CCDC180: variants seen among roughly 807,000 people sequenced by gnomAD.
The protein encoded by CCDC180 is coiled-coil domain-containing protein 180.
A neutral mutation model predicts 209.2 loss-of-function variants in CCDC180; 154 were observed. The observed-to-expected ratio is 0.74, with a 90% CI of 0.65 to 0.84. The LOEUF is 0.84. CCDC180 is among the 40% of genes least tolerant of loss of function. CCDC180 has a pLI of 0.00. For missense variants in CCDC180, 1,874 were observed against 1,997.3 expected, an observed-to-expected ratio of 0.94 and a Z score of 1.18; for synonymous variants, 778 against 749.1, an observed-to-expected ratio of 1.04 and a Z score of -0.63.
At chr9:97,311,784 C>T (rs758823898) in intron 3 of CCDC180, among the ~76,000 whole-genome samples, 3 of 152,162 alleles carry the variant, frequency 2.0e-5, no homozygotes, top group Non-Finnish European at 4.4e-5. Flanking sequence ...CTGGGCTGCT[C>T]GTACCCCTTC....
At chr9:97,354,425 C>CT (rs1826508227) in intron 22 of CCDC180, 144 bp from the exon 23 acceptor site, 1 of 797,230 alleles carries the variant, frequency 1.3e-6, no homozygotes, top group African/African-American at 1.7e-5. Flanking sequence ...TACTCCTGTC[C>CT]TTAAGCTATC....
chr9:97,357,530 TG>T, intron 24 of CCDC180, 96 bp from the exon 25 acceptor site: 1 of 769,228 alleles, frequency 1.3e-6, no homozygotes, highest in Non-Finnish European at 2.2e-6. Flanking sequence ...TTTTTTTCAG[TG>T]CTTAATCAGT....
At chr9:97,315,499 T>C (rs893786655) in intron 8 of CCDC180, among the ~76,000 whole-genome samples, 13 of 152,182 alleles carry the variant, frequency 8.5e-5, no homozygotes, top group African/African-American at 2.9e-4. Flanking sequence ...CCACAGCTGC[T>C]TTCCTTGGGG....
chr9:97,365,505 T>A, intron 29 of CCDC180, 168 bp from the exon 30 acceptor site: 1 of 630,992 alleles, frequency 1.6e-6, no homozygotes, highest in East Asian at 2.7e-5. Flanking sequence ...AGTTAGCTGC[T>A]GTTATGGAGT....
Position 97,330,177 on chromosome 9 carries a change from C to G in CCDC180, c.1812C>G (p.Phe604Leu). 1.2e-6 allele frequency: 2 copies of G among 1,610,300 alleles called. No homozygotes were observed. Among genetic ancestry groups the G allele is most frequent in the Non-Finnish European group, 1.7e-6 (2 of 1,177,884 alleles). Residue 604 changes from phenylalanine (F) to leucine (L), a missense_variant, in exon 17 of 37, where the codon TTC becomes TTG. Coordinates refer to ENST00000529487, the MANE Select transcript of CCDC180 (RefSeq NM_020893.6). ...AGAACTTGGCTGGAGAAGTCATTTT[C>G]AAATTCAGGCAACCAGGTAACACTT... The part of the protein sequence containing the change: ...FEQNLAGEVI[F>L]KFRQPEAHEK...
In CCDC180 at chr9:97,376,864, C is replaced by G; in HGVS notation, c.4944C>G (p.Ser1648=). The change falls in exon 37 of 37, where the codon TCC becomes TCG. Residue 1648 remains serine, a synonymous_variant. Transcript: ENST00000529487. The part of the protein sequence containing the change: ...AQRWKDSWKQ[S]LHTIQGLYV ...GCTGGAAGGACAGCTGGAAGCAGTCCCTGCACACTATCCAAGGCCTGTATG... is the reference window on the plus strand; with the variant it reads ...GCTGGAAGGACAGCTGGAAGCAGTCGCTGCACACTATCCAAGGCCTGTATG... 6.2e-7 allele frequency: 1 copy of G among 1,612,756 alleles called. No individual in the cohort carries two copies. Among genetic ancestry groups the G allele is most frequent in the Non-Finnish European group, 8.5e-7 (1 of 1,179,910 alleles).
chr9:97,357,719 G>GA lies in CCDC180; in HGVS notation c.3361dup (p.Thr1121AsnfsTer27). 1 of 1,604,022 alleles carries GA rather than the reference G, an allele frequency of 6.2e-7. No individual in the cohort carries two copies. Among genetic ancestry groups the GA allele is most frequent in the Non-Finnish European group, 8.5e-7 (1 of 1,173,108 alleles). ...AAACTTGTCAAGAGTCCAGGGGAGA[G>GA]AAAACCGTAAGTGTTCAATAGATTC... is the stretch of plus-strand genomic sequence containing the variant. On this transcript the variant is annotated frameshift_variant, in exon 25 of 37. Coordinates refer to ENST00000529487, the MANE Select transcript of CCDC180 (RefSeq NM_020893.6). LOFTEE classifies it high-confidence loss of function.
rs571565199 is a variant in CCDC180, at chr9:97,312,089, C to T, written c.261-24C>T. The stretch of plus-strand genomic sequence containing the variant: ...TGGATGGCATCAGGAGCTGGGACTT[C>T]ACTCTTCTCTGCTTGTGTCTCAGGG... On this transcript the variant is annotated intron_variant, in intron 3 of 36. Transcript: ENST00000529487. The T allele has an allele frequency of 1.4e-4, 224 of 1,608,670 alleles. 4 individuals carry two copies. In the South Asian group the frequency reaches 2.4e-3, roughly 17 times the overall value.
rs1826357264 is a variant in CCDC180 at position 97,349,252 on chromosome 9, A to C, written c.2816A>C (p.Asp939Ala). 6.5e-7 allele frequency: 1 copy of C among 1,536,716 alleles called. No homozygotes were observed. ...RSKNFRLKIY[D>A]MEHIFLNATR... is the part of the protein sequence containing the mutation. ...AAAAACTTCCGCCTTAAGATCTATG[A>C]CATGGAGCACATCTTCTTGAATGCC... Residue 939 changes from aspartate (D) to alanine (A), a missense_variant, in exon 21 of 37, where the codon GAC (aspartate) becomes GCC (alanine). Physicochemically the swap from Asp to Ala is moderately radical, Grantham distance 126. Coordinates refer to ENST00000529487, the MANE Select transcript of CCDC180 (RefSeq NM_020893.6).
chr9:97,314,969 G>C lies in CCDC180; in HGVS notation c.795+23G>C, dbSNP rs749871595. The C allele has an allele frequency of 5.0e-6, 8 of 1,591,758 alleles. No individual in the cohort carries two copies. The Admixed American group carries it at 1.0e-4, about 20-fold the overall frequency. On this transcript the variant is annotated intron_variant, in intron 8 of 36. Coordinates refer to ENST00000529487, the MANE Select transcript of CCDC180 (RefSeq NM_020893.6). The stretch of plus-strand genomic sequence containing the variant: ...ATGGTGAGTGGTTTTCCTGTGCAGG[G>C]ATCAGCCCATGGGAGAAGGGGCAGG...
intron 25 of CCDC180, among the ~76,000 whole-genome samples, chr9:97,358,890 G>A (rs1365390163): frequency 6.6e-6 from 1 of 152,204 alleles, no homozygotes; most frequent in East Asian, 1.9e-4. Context: ...TTAGCACTGA[G>A]AGGATGTTTA....
rs773926113 is a variant in CCDC180, at chr9:97,365,757, T to G, written c.4047+18T>G. The G allele has an allele frequency of 7.4e-6, 12 of 1,612,330 alleles. No individual in the cohort carries two copies. The highest frequency in any genetic ancestry group is 1.0e-5 in the Non-Finnish European group (12 of 1,178,730). On this transcript the variant is annotated intron_variant, in intron 30 of 36. Coordinates refer to ENST00000529487, the MANE Select transcript of CCDC180 (RefSeq NM_020893.6). Reference sequence around the variant, plus strand: ...TCGCAGAGGTGAGGACCACCACCCATGGCCTGTGCCTGCCCTGGAAACCAC... The same window carrying G: ...TCGCAGAGGTGAGGACCACCACCCAGGGCCTGTGCCTGCCCTGGAAACCAC...
rs775858382 is a variant in CCDC180, at chr9:97,364,178, G to T, written c.3980+50G>T. ...GACTGCATTTAACCTGTTTTGGGTT[G>T]CAGGGGCAGCAAATGTGACTCAGCT... On this transcript the variant is annotated intron_variant, in intron 29 of 36. Coordinates refer to ENST00000529487, the MANE Select transcript of CCDC180 (RefSeq NM_020893.6). The T allele has an allele frequency of 2.6e-6, 4 of 1,559,232 alleles. No homozygotes were observed. In the African/African-American group the frequency reaches 5.4e-5, roughly 21 times the overall value.
At chr9:97,313,443 G>A (rs1833057434) in intron 5 of CCDC180, 98 bp downstream of exon 5, 2 of 778,180 alleles carry the variant, frequency 2.6e-6, no homozygotes, top group East Asian at 5.8e-5. Flanking sequence ...CAGCAGAGAG[G>A]TCCTCAGGGG....
intron 34 of CCDC180, chr9:97,373,593 A>C (rs1055238086): frequency 6.6e-6 from 1 of 152,204 alleles, no homozygotes; most frequent in Non-Finnish European, 1.5e-5. Flanking sequence ...CCTCTTCAGC[A>C]TTTTCAGTTG....
chr9:97,329,839 C>T (rs996338737), intron 16 of CCDC180, among the ~76,000 whole-genome samples: 47 of 152,142 alleles, frequency 3.1e-4, no homozygotes, highest in African/African-American at 9.2e-4. Context: ...GAGGCCGAGG[C>T]GGGCGGATCA....
intron 8 of CCDC180, 81 bp downstream of exon 8, chr9:97,315,027 C>T: frequency 9.6e-7 from 1 of 1,044,154 alleles, no homozygotes; most frequent in East Asian, 2.5e-5. Flanking sequence ...AGCCTGGTGT[C>T]TGGTGTCTCA....
intron 29 of CCDC180, chr9:97,364,658 G>T (rs1266790311): frequency 1.3e-5 from 2 of 156,272 alleles, no homozygotes; most frequent in African/African-American, 4.8e-5. Flanking sequence ...GTCTCTGGGG[G>T]TCATGAACTT....
At chr9:97,311,833 C>T (rs1281737843) in intron 3 of CCDC180, among the ~76,000 whole-genome samples, 3 of 152,150 alleles carry the variant, frequency 2.0e-5, no homozygotes, top group African/African-American at 7.2e-5. Flanking sequence ...GGCTCAGGCT[C>T]ATCATCCACA....
Sources: gnomAD v4.1 joint callset for allele counts (sites outside exome capture counted in the v4.1 genomes callset) on GRCh38, gnomAD v4.1.1 for gene constraint, MANE v1.5 for transcripts, NCBI Gene and HGNC (gene_info 2026-07-23, HGNC 2026-07-21) for gene names.